ARHGAP44: variants seen among roughly 807,000 people sequenced by gnomAD.
ARHGAP44 encodes the protein Rho GTPase activating protein 44.
Under a neutral mutation model 106.8 loss-of-function variants are expected in ARHGAP44, and 43 were observed. The observed-to-expected ratio is 0.40, with a 90% confidence interval of 0.32 to 0.52. The LOEUF (loss-of-function observed/expected upper bound fraction) is 0.52. ARHGAP44 is among the 20% of genes least tolerant of loss of function. The probability of loss-of-function intolerance (pLI) is 0.48; values close to 1 mark genes in which losing one functional copy is unlikely to be tolerated. For missense variants in ARHGAP44, 866 were observed against 1,050.5 expected (o/e 0.82, Z 2.43); for synonymous variants, 439 against 410.3 (o/e 1.07, Z -0.85).
intron 3 of ARHGAP44, among the ~76,000 whole-genome samples, chr17:12,907,922 A>T (rs1288937773): frequency 6.6e-6 from 1 of 152,028 alleles, no homozygotes; most frequent in Non-Finnish European, 1.5e-5. Context: ...TTAAACATCT[A>T]CTAGTAATGC....
At chr17:12,859,119 A>G (rs1215711119) in intron 1 of ARHGAP44, among the ~76,000 whole-genome samples, 1 of 152,188 alleles carries the variant, frequency 6.6e-6, no homozygotes, top group African/African-American at 2.4e-5. Flanking sequence ...ATGACTGTGG[A>G]TCCTTATAAA....
chr17:12,973,997 C>A, intron 17 of ARHGAP44, 92 bp from the exon 18 acceptor site: 1 of 1,337,130 alleles, frequency 7.5e-7, no homozygotes, highest in Non-Finnish European at 1.0e-6. Context: ...CTGCTCTTCT[C>A]CCAACGCGGA....
chr17:12,841,636 A>AAAAAAAAAAG (rs1567642381), intron 1 of ARHGAP44, among the ~76,000 whole-genome samples: 4 of 110,902 alleles, frequency 3.6e-5, no homozygotes, highest in African/African-American at 1.2e-4. Flanking sequence ...ACACACACAC[A>AAAAAAAAAAG]CACAAACAAA....
At chr17:12,966,189 T>G (rs575799879) in intron 16 of ARHGAP44, among the ~76,000 whole-genome samples, 3 of 151,750 alleles carry the variant, frequency 2.0e-5, no homozygotes, top group Non-Finnish European at 4.4e-5. Context: ...AAAGAGATTA[T>G]GTCATGGATA....
intron 8 of ARHGAP44, 78 bp downstream of exon 8, chr17:12,941,202 T>G (rs62058116): frequency 0.015 from 20,323 of 1,325,476 alleles, 209 homozygotes; most frequent in Non-Finnish European, 0.019. Context: ...TAAGAGTCCC[T>G]TAATTGATCA....
chr17:12,915,219 A>G (rs1368703212), intron 4 of ARHGAP44, among the ~76,000 whole-genome samples: 1 of 152,168 alleles, frequency 6.6e-6, no homozygotes, highest in African/African-American at 2.4e-5. Context: ...TGATATTTTT[A>G]GTAGAGGCGG....
chr17:12,858,470 C>T (rs2035975154), intron 1 of ARHGAP44, among the ~76,000 whole-genome samples: 1 of 152,228 alleles, frequency 6.6e-6, no homozygotes, highest in African/African-American at 2.4e-5. Flanking sequence ...AATCAACCTT[C>T]TCAGGCCCTT....
At chr17:12,842,738 A>C (rs1199008089) in intron 1 of ARHGAP44, among the ~76,000 whole-genome samples, 4 of 152,200 alleles carry the variant, frequency 2.6e-5, no homozygotes, top group African/African-American at 9.7e-5. Context: ...AGACAGAAAA[A>C]CAGGGAAAAC....
chr17:12,974,758 T>G (rs1301295193), intron 18 of ARHGAP44, among the ~76,000 whole-genome samples: 1 of 152,212 alleles, frequency 6.6e-6, no homozygotes, highest in African/African-American at 2.4e-5. Context: ...AATTTATAAA[T>G]TAGGCACAGT....
At position 12,958,828 on chromosome 17, in the gene ARHGAP44, C is replaced by A; in HGVS notation, c.1454C>A (p.Pro485His). The change falls in exon 16 of 21, where the codon CCC (proline) becomes CAC (histidine). Residue 485 changes from proline to histidine, a missense_variant. Physicochemically the swap from Pro to His is moderately conservative, Grantham distance 77. Coordinates refer to ENST00000379672, the MANE Select transcript of ARHGAP44 (RefSeq NM_014859.6). The surrounding 1 kb of genome is among the most constrained non-coding windows in gnomAD (Gnocchi z 4.1). ...PDMDPADRRQPEQARRPLSVA... is the reference protein window; with the variant it reads ...PDMDPADRRQHEQARRPLSVA... Reference sequence around the variant, plus strand: ...ATGGACCCTGCTGACCGGCGCCAGCCCGAGCAGGCCCGCCGGCCCCTCAGC... The same window carrying A: ...ATGGACCCTGCTGACCGGCGCCAGCACGAGCAGGCCCGCCGGCCCCTCAGC... 6.3e-7 allele frequency: 1 copy of A among 1,587,442 alleles called. No homozygotes were observed. The highest frequency in any genetic ancestry group is 2.3e-5 in the East Asian group (1 of 43,784).
chr17:12,804,581 T>C (rs879053448), intron 1 of ARHGAP44, among the ~76,000 whole-genome samples: 2 of 152,254 alleles, frequency 1.3e-5, no homozygotes, highest in African/African-American at 4.8e-5. Context: ...ATACTGTTTT[T>C]CATGGGATAC....
intron 1 of ARHGAP44, among the ~76,000 whole-genome samples, chr17:12,829,399 T>A (rs1193931851): frequency 6.6e-6 from 1 of 152,098 alleles, no homozygotes; most frequent in African/African-American, 2.4e-5. Flanking sequence ...AGCCCTCCTA[T>A]TTTTGGCTTC....
rs140598299 is a variant in ARHGAP44 at position 12,990,150 on chromosome 17, G to C, written c.2436G>C (p.Glu812Asp). The change falls in exon 21 of 21, where the codon GAG (glutamate) becomes GAC (aspartate). Residue 812 changes from glutamate to aspartate, a missense_variant. This residue lies in a region of ARHGAP44 where 418 missense variants were observed against 403.6 expected (regional missense o/e 1.04). Coordinates refer to ENST00000379672, the MANE Select transcript of ARHGAP44 (RefSeq NM_014859.6). ...SVTDKRDSEEESESTAL is the reference protein window; with the variant it reads ...SVTDKRDSEEDSESTAL ...CTGACAAGAGGGACTCGGAGGAGGA[G>C]TCTGAGAGCACCGCCCTCTGACATG... The C allele has an allele frequency of 1.2e-6, 2 of 1,613,090 alleles. No individual in the cohort carries two copies. The highest frequency in any genetic ancestry group is 1.7e-6 in the Non-Finnish European group (2 of 1,179,246).
intron 2 of ARHGAP44, among the ~76,000 whole-genome samples, chr17:12,895,335 C>A (rs984298057): frequency 6.6e-6 from 1 of 152,074 alleles, no homozygotes; most frequent in Non-Finnish European, 1.5e-5. Context: ...GTCATTTCAC[C>A]ACAGTTAGCC....
Position 12,942,308 on chromosome 17 carries a change from A to G in ARHGAP44, c.651+1184A>G, listed in dbSNP as rs1208479520. Among the ~76,000 whole-genome samples, 5 of 152,222 alleles carry G rather than the reference A, an allele frequency of 3.3e-5. No homozygotes were observed. In the East Asian group the frequency reaches 7.8e-4, roughly 24 times the overall value. On this transcript the variant is annotated intron_variant, in intron 8 of 20. Coordinates refer to ENST00000379672, the MANE Select transcript of ARHGAP44 (RefSeq NM_014859.6). ...ACTACAGGCGCATGCCGCCATGCCCAGCTAATTTTTGTATTTTTAGTAGAG... is the reference window on the plus strand; with the variant it reads ...ACTACAGGCGCATGCCGCCATGCCCGGCTAATTTTTGTATTTTTAGTAGAG...
intron 6 of ARHGAP44, among the ~76,000 whole-genome samples, chr17:12,922,152 C>A (rs1198202139): frequency 6.6e-6 from 1 of 152,084 alleles, no homozygotes; most frequent in East Asian, 1.9e-4. Context: ...TAAAAGTGAA[C>A]AGATGAAAGC....
chr17:12,877,279 G>C (rs1027703254), intron 1 of ARHGAP44, among the ~76,000 whole-genome samples: 1 of 152,076 alleles, frequency 6.6e-6, no homozygotes, highest in Non-Finnish European at 1.5e-5. Context: ...TTCATTTACC[G>C]TAGACTGGTC....
At chr17:12,854,437 G>A (rs1035621945) in intron 1 of ARHGAP44, among the ~76,000 whole-genome samples, 1 of 152,138 alleles carries the variant, frequency 6.6e-6, no homozygotes, top group African/African-American at 2.4e-5. Flanking sequence ...AAAGATTAAT[G>A]TGTAAGATGT....
At chr17:12,920,661 T>C (rs1418765384) in intron 6 of ARHGAP44, among the ~76,000 whole-genome samples, 2 of 151,868 alleles carry the variant, frequency 1.3e-5, no homozygotes, top group African/African-American at 4.8e-5. Context: ...AGCCAGGAGG[T>C]AGGATGGTTG....
Sources: gnomAD v4.1 joint callset for allele counts (sites outside exome capture counted in the v4.1 genomes callset) on GRCh38, gnomAD v4.1.1 for gene constraint, gnomAD v4.1.1 regional missense constraint, Gnocchi (gnomAD v3.1) non-coding constraint, MANE v1.5 for transcripts, NCBI Gene and HGNC (gene_info 2026-07-23, HGNC 2026-07-21) for gene names.